The following SLC38A10 variants were observed in gnomAD, a reference collection of about 807,000 sequenced individuals.
SLC38A10 encodes Sodium-coupled neutral amino acid transporter 10.
Under a neutral mutation model 81.0 loss-of-function variants are expected in SLC38A10, and 53 were observed. The observed-to-expected ratio is 0.65, with a 90% CI of 0.53 to 0.82. SLC38A10 has a LOEUF of 0.82. Among genes scored for constraint, SLC38A10 ranks in the 40% least tolerant of loss-of-function variants. The probability of loss-of-function intolerance (pLI) is 0.00; values close to 1 mark genes in which losing one functional copy is unlikely to be tolerated. For missense variants in SLC38A10, 1,471 were observed against 1,545.0 expected, an observed-to-expected ratio of 0.95 and a Z score of 0.80; for synonymous variants, 665 against 655.3, an observed-to-expected ratio of 1.01 and a Z score of -0.23.
Position 81,284,912 on chromosome 17 carries a change from A to G in SLC38A10, c.218-17T>C. ...CGTGGAATGCTAGTGCAAAAGAAAAAGGAACACTCAATCCAACAGCGTGAG... is the reference window on the plus strand; with the variant it reads ...CGTGGAATGCTAGTGCAAAAGAAAAGGGAACACTCAATCCAACAGCGTGAG... On this transcript the variant is annotated splice_polypyrimidine_tract_variant and intron_variant, in intron 2 of 15. Transcript: ENST00000374759. 1.3e-6 allele frequency: 2 copies of G among 1,541,748 alleles called. No homozygotes were observed. Among genetic ancestry groups the G allele is most frequent in the East Asian group, 2.5e-5 (1 of 40,006 alleles).
chr17:81,262,249 G>A (rs916649840), intron 10 of SLC38A10, among the ~76,000 whole-genome samples: 5 of 152,124 alleles, frequency 3.3e-5, no homozygotes, highest in African/African-American at 1.2e-4. Context: ...GAGCTGCCCC[G>A]GGACCTCCAT....
At chr17:81,291,141 C>T (rs1019091531) in intron 1 of SLC38A10, among the ~76,000 whole-genome samples, 1 of 152,066 alleles carries the variant, frequency 6.6e-6, no homozygotes, top group Non-Finnish European at 1.5e-5. Flanking sequence ...GGGGCGGGGG[C>T]GCTGCACTTT....
At chr17:81,284,260 A>C (rs1316774260) in intron 3 of SLC38A10, among the ~76,000 whole-genome samples, 1 of 152,128 alleles carries the variant, frequency 6.6e-6, no homozygotes, top group African/African-American at 2.4e-5. Context: ...TCGGAGGCTG[A>C]GGCAGGAGAA....
rs955083323 is a variant in SLC38A10, at chr17:81,276,306, CA to C, written c.730-156del. Among the ~76,000 whole-genome samples the C allele has an allele frequency of 6.6e-6, 1 of 152,166 alleles. No homozygotes were observed. On this transcript the variant is annotated intron_variant, in intron 7 of 15. Coordinates refer to ENST00000374759, the MANE Select transcript of SLC38A10 (RefSeq NM_001037984.3). This position sits in a 1 kb window ranked among gnomAD's most constrained non-coding sequence, Gnocchi z 4.7. ...GAAGCTTCTGCAAGAGATGGCCTTC[CA>C]GGGGCAAGGCACCATTTCGCCTCCT...
At chr17:81,287,561 C>T (rs771303210) in intron 2 of SLC38A10, among the ~76,000 whole-genome samples, 12 of 152,220 alleles carry the variant, frequency 7.9e-5, no homozygotes, top group South Asian at 6.2e-4. Context: ...GTGGAACCAC[C>T]GTGTTTGGTG....
chr17:81,252,562 G>C lies in SLC38A10; in HGVS notation c.1578C>G (p.His526Gln), dbSNP rs3803767. The C allele has an allele frequency of 9.9e-6, 16 of 1,613,274 alleles. No homozygotes were observed. The highest frequency in any genetic ancestry group is 9.3e-5 in the African/African-American group (7 of 74,938). Reference protein sequence around the residue: ...VPEENKPPSRHAGGKAPGVQG... With the variant: ...VPEENKPPSRQAGGKAPGVQG... Reference sequence around the variant, plus strand: ...GGACCCCTGGAGCCTTTCCGCCCGCGTGTCTGGATGGAGGTTTGTTCTCTT... The same window carrying C: ...GGACCCCTGGAGCCTTTCCGCCCGCCTGTCTGGATGGAGGTTTGTTCTCTT... Residue 526 changes from histidine to glutamine, a missense_variant, in exon 13 of 16, where the codon CAC becomes CAG. This residue lies in a region of SLC38A10 where 720 missense variants were observed against 827.7 expected (regional missense o/e 0.87). Transcript: ENST00000374759.
In SLC38A10 at chr17:81,282,350, G is replaced by C. The variant is rs376891129; in HGVS notation, c.358-18C>G. ...CCGCCCACCTGCGGGGAGCCGGCAG[G>C]GGGTCTTGGCCACAGCCCGTGCCTG... On this transcript the variant is annotated intron_variant, in intron 4 of 15. Coordinates refer to ENST00000374759, the MANE Select transcript of SLC38A10 (RefSeq NM_001037984.3). The C allele has an allele frequency of 1.6e-5, 25 of 1,596,584 alleles. No individual in the cohort carries two copies. The East Asian group carries it at 5.0e-4, about 32-fold the overall frequency.
In SLC38A10 at chr17:81,277,097, C is replaced by A; in HGVS notation, c.663G>T (p.Pro221=). The A allele has an allele frequency of 6.2e-7, 1 of 1,614,028 alleles. No homozygotes were observed. The highest frequency in any genetic ancestry group is 1.1e-5 in the South Asian group (1 of 91,070). The change falls in exon 7 of 16, where the codon CCG becomes CCT. Residue 221 remains proline (P), a synonymous_variant. Coordinates refer to ENST00000374759, the MANE Select transcript of SLC38A10 (RefSeq NM_001037984.3). The surrounding 1 kb of genome is among the most constrained non-coding windows in gnomAD (Gnocchi z 4.5). ...VLPTYDSLDE[P]SVKTMSSIFA... ...ATATGGAGCTCATGGTTTTCACTGACGGCTCATCCAGGCTGTCGTAGGTGG... is the reference window on the plus strand; with the variant it reads ...ATATGGAGCTCATGGTTTTCACTGAAGGCTCATCCAGGCTGTCGTAGGTGG...
chr17:81,260,297 G>A lies in SLC38A10; in HGVS notation c.1229C>T (p.Pro410Leu). 1 of 1,607,636 alleles carries A rather than the reference G, an allele frequency of 6.2e-7. No individual in the cohort carries two copies. Among genetic ancestry groups the A allele is most frequent in the Non-Finnish European group, 8.5e-7 (1 of 1,177,862 alleles). ...EVPEDLAEEA[P>L]GGRLGEAEGL... ...CTCGGCCTCTCCAAGCCGGCCGCCA[G>A]GGGCTTCCTCTGCCAAGTCCTCGGG... Residue 410 changes from proline to leucine, a missense_variant, in exon 11 of 16, where the codon CCT (proline) becomes CTT (leucine). Pro to Leu is a moderately conservative substitution (Grantham distance 98, BLOSUM62 -3). This residue lies in a region of SLC38A10 where 720 missense variants were observed against 827.7 expected (regional missense o/e 0.87). Transcript: ENST00000374759.
At position 81,249,267 on chromosome 17, in the gene SLC38A10, A is replaced by G. The variant is rs376321542; in HGVS notation, c.2066-2206T>C. ...GGAAGGTGGGGGAAGAGGAGGAGGGAGGAGGAGGAAGGAGGGAAGAGGAGG... is the reference window on the plus strand; with the variant it reads ...GGAAGGTGGGGGAAGAGGAGGAGGGGGGAGGAGGAAGGAGGGAAGAGGAGG... On this transcript the variant is annotated intron_variant, in intron 14 of 15. Coordinates refer to ENST00000374759, the MANE Select transcript of SLC38A10 (RefSeq NM_001037984.3). Among the ~76,000 whole-genome samples the G allele has an allele frequency of 4.7e-3, 37 of 7,816 alleles. 8 individuals are homozygous for G. The highest frequency in any genetic ancestry group is 0.018 in the African/African-American group (24 of 1,328). The allele number at this position is 7,816 out of a possible 152,430, so 5.1% of individuals were successfully genotyped here.
At chr17:81,259,753 A>C (rs998803331) in intron 11 of SLC38A10, among the ~76,000 whole-genome samples, 14 of 152,292 alleles carry the variant, frequency 9.2e-5, no homozygotes, top group Admixed American at 7.2e-4. Context: ...GCCCCTCCTG[A>C]AGCGGCCTGC....
At chr17:81,285,157 CAA>C (rs1397874869) in intron 2 of SLC38A10, 5 of 384,708 alleles carry the variant, frequency 1.3e-5, no homozygotes, top group South Asian at 5.2e-5. Context: ...TTTTAACAGA[CAA>C]AGAGACAAGT....
In SLC38A10 at chr17:81,272,598, G is replaced by C. The variant is rs1166769674; in HGVS notation, c.942C>G (p.Gly314=). The change falls in exon 9 of 16, where the codon GGC becomes GGG. Residue 314 remains glycine (G), a synonymous_variant. Transcript: ENST00000374759. Reference sequence around the variant, plus strand: ...CTTTAAACCGGAGAGGGGGCATGTAGCCCCCTGCTGCAAAGGTGCCATCTT... The same window carrying C: ...CTTTAAACCGGAGAGGGGGCATGTACCCCCCTGCTGCAAAGGTGCCATCTT... ...QQKDGTFAAG[G]YMPPLRFKAL... The C allele has an allele frequency of 8.3e-6, 13 of 1,560,780 alleles. No homozygotes were observed. The highest frequency in any genetic ancestry group is 1.1e-5 in the Non-Finnish European group (13 of 1,158,590).
rs1567919429 is a variant in SLC38A10 at position 81,245,941 on chromosome 17, T to G, written c.2975A>C (p.Asp992Ala). 6.2e-7 allele frequency: 1 copy of G among 1,607,440 alleles called. No homozygotes were observed. Among genetic ancestry groups the G allele is most frequent in the Non-Finnish European group, 8.5e-7 (1 of 1,176,646 alleles). The change falls in exon 16 of 16, where the codon GAC becomes GCC. Residue 992 changes from aspartate (D) to alanine (A), a missense_variant. Around this residue, in one of 2 missense-constraint regions of SLC38A10, gnomAD observed 751 missense variants for 717.4 expected, o/e 1.05. Coordinates refer to ENST00000374759, the MANE Select transcript of SLC38A10 (RefSeq NM_001037984.3). ...HLEMRKARGG[D>A]HVPVSHEQPR... ...CTGCTCGTGGGACACAGGCACATGGTCCCCCCCGCGGGCCTTTCTCATCTC... is the reference window on the plus strand; with the variant it reads ...CTGCTCGTGGGACACAGGCACATGGGCCCCCCCGCGGGCCTTTCTCATCTC...
In SLC38A10 at chr17:81,283,532, C is replaced by T; in HGVS notation, c.264-30G>A. On this transcript the variant is annotated intron_variant, in intron 3 of 15. Coordinates refer to ENST00000374759, the MANE Select transcript of SLC38A10 (RefSeq NM_001037984.3). This position sits in a 1 kb window ranked among gnomAD's most constrained non-coding sequence, Gnocchi z 4.7. ...ACAGGGACGGGGGGTACGGGAAATG[C>T]CATCAGGGCAAGCTGGCACACACCT... 6.3e-7 allele frequency: 1 copy of T among 1,580,138 alleles called. No individual in the cohort carries two copies.
At chr17:81,278,155 G>A (rs575727543) in intron 6 of SLC38A10, among the ~76,000 whole-genome samples, 1 of 151,824 alleles carries the variant, frequency 6.6e-6, no homozygotes, top group South Asian at 2.1e-4. Context: ...CCAGCACAGC[G>A]GCCAGCGGAG....
rs1029982714 is a variant in SLC38A10, at chr17:81,283,040, C to G, written c.357+369G>C. 3.3e-5 allele frequency among the ~76,000 whole-genome samples: 5 copies of G among 152,274 alleles called. No homozygotes were observed. The East Asian group carries it at 9.7e-4, about 30-fold the overall frequency. On this transcript the variant is annotated intron_variant, in intron 4 of 15. Coordinates refer to ENST00000374759, the MANE Select transcript of SLC38A10 (RefSeq NM_001037984.3). The surrounding 1 kb of genome is among the most constrained non-coding windows in gnomAD (Gnocchi z 4.7). Reference sequence around the variant, plus strand: ...AAGGTCCCTGCAAGAAGTGCTGAGTCCACAGCCCCCAGAAGCTCTGGGTGA... The same window carrying G: ...AAGGTCCCTGCAAGAAGTGCTGAGTGCACAGCCCCCAGAAGCTCTGGGTGA...
intron 10 of SLC38A10, among the ~76,000 whole-genome samples, chr17:81,262,169 G>A (rs1010719577): frequency 4.6e-5 from 7 of 152,190 alleles, no homozygotes; most frequent in East Asian, 1.9e-4. Context: ...GTGGATGGCC[G>A]TGGCTTAGAG....
At chr17:81,285,642 C>T (rs1208038804) in intron 2 of SLC38A10, 1 of 152,240 alleles carries the variant, frequency 6.6e-6, no homozygotes, top group African/African-American at 2.4e-5. Flanking sequence ...CCCCGCGCTT[C>T]CCCCACGGCC....
Sources: allele counts gnomAD v4.1 joint callset (sites outside exome capture counted in the v4.1 genomes callset), GRCh38; gene constraint gnomAD v4.1.1; regional missense constraint gnomAD v4.1.1; non-coding constraint Gnocchi (gnomAD v3.1); transcripts MANE v1.5; gene names NCBI Gene and HGNC (gene_info 2026-07-23, HGNC 2026-07-21).